Variants in SH3BGR observed in about 807,000 individuals in gnomAD.
SH3BGR encodes SH3 domain binding glutamate rich protein.
In SH3BGR, 29 loss-of-function variants were observed where a neutral mutation model predicts 24.5. The ratio of observed to expected loss-of-function variants is 1.18; its 90% CI spans 0.88 to 1.61. The LOEUF (loss-of-function observed/expected upper bound fraction) is 1.61, where lower values mean the gene tolerates loss of function less well. SH3BGR is among the 40% of genes most tolerant of loss of function. The probability of loss-of-function intolerance (pLI) is 0.00; values close to 1 mark genes in which losing one functional copy is unlikely to be tolerated. For missense variants in SH3BGR, 162 were observed against 205.8 expected (o/e 0.79, Z 1.30); for synonymous variants, 55 against 65.7 (o/e 0.84, Z 0.79).
At chr21:39,469,204 C>T (rs940290653) in intron 2 of SH3BGR, among the ~76,000 whole-genome samples, 1 of 151,240 alleles carries the variant, frequency 6.6e-6, no homozygotes, top group Non-Finnish European at 1.5e-5. Flanking sequence ...AGAGCCTCCC[C>T]CATTATCAAC....
intron 1 of SH3BGR, among the ~76,000 whole-genome samples, chr21:39,452,653 A>G (rs988727694): frequency 1.3e-5 from 2 of 152,204 alleles, no homozygotes; most frequent in African/African-American, 2.4e-5. Flanking sequence ...GAGGAAAGTG[A>G]TGTCACAGTG....
chr21:39,452,081 C>G lies in SH3BGR; in HGVS notation c.-16C>G. 1 of 1,614,168 alleles carries G rather than the reference C, an allele frequency of 6.2e-7. No individual in the cohort carries two copies. The highest frequency in any genetic ancestry group is 2.2e-5 in the East Asian group (1 of 44,882). ...ACAGGGGTGTGTTGGGGGGAGTCCT[C>G]TTTCCAACTGTCGAAATGGTTATCA... On this transcript the variant is annotated 5_prime_UTR_variant, in exon 1 of 7. Coordinates refer to ENST00000333634, the MANE Select transcript of SH3BGR (RefSeq NM_007341.3).
At chr21:39,452,679 T>C (rs2077592924) in intron 1 of SH3BGR, among the ~76,000 whole-genome samples, 1 of 152,168 alleles carries the variant, frequency 6.6e-6, no homozygotes, top group Admixed American at 6.5e-5. Context: ...AGCAGACATC[T>C]CTCAGGCCAC....
At chr21:39,483,085 A>T (rs1391287406) in intron 3 of SH3BGR, among the ~76,000 whole-genome samples, 2 of 152,218 alleles carry the variant, frequency 1.3e-5, no homozygotes, top group Non-Finnish European at 2.9e-5. Flanking sequence ...CTCTAAATGG[A>T]GAAGAACACA....
chr21:39,511,672 A>G lies in SH3BGR; in HGVS notation c.436-8A>G, dbSNP rs1249182610. On this transcript the variant is annotated splice_region_variant and splice_polypyrimidine_tract_variant and intron_variant, in intron 5 of 6. Transcript: ENST00000333634. This position sits in a 1 kb window ranked among gnomAD's most constrained non-coding sequence, Gnocchi z 4.2. ...TCTTAATACTAATGTAAGTTTTGTT[A>G]AAATAAGACGGAAGAAATAGCCATG... The G allele has an allele frequency of 6.2e-7, 1 of 1,608,902 alleles. No homozygotes were observed.
chr21:39,499,910 A>G lies in SH3BGR; in HGVS notation c.400A>G (p.Lys134Glu). ...GGGCAACCTCCCTGAAGCCCAGGAGAAGAATGTGAGTTTTCGCTTTTTCAC... is the reference window on the plus strand; with the variant it reads ...GGGCAACCTCCCTGAAGCCCAGGAGGAGAATGTGAGTTTTCGCTTTTTCAC... ...DVGNLPEAQE[K>E]NEEEGETATE... is the part of the protein sequence containing the mutation. Residue 134 changes from lysine to glutamate, a missense_variant, in exon 4 of 7, where the codon AAG becomes GAG. By Grantham distance (56) the Lys-to-Glu change is moderately conservative. Coordinates refer to ENST00000333634, the MANE Select transcript of SH3BGR (RefSeq NM_007341.3). The G allele has an allele frequency of 6.2e-7, 1 of 1,611,486 alleles. No homozygotes were observed. Among genetic ancestry groups the G allele is most frequent in the Non-Finnish European group, 8.5e-7 (1 of 1,177,776 alleles).
intron 3 of SH3BGR, among the ~76,000 whole-genome samples, chr21:39,490,203 CG>C (rs2078276773): frequency 1.3e-5 from 2 of 151,916 alleles, no homozygotes; most frequent in East Asian, 3.9e-4. Flanking sequence ...TTAACAAGGC[CG>C]GGAGGCAGAG....
At chr21:39,470,725 C>G (rs2077924996) in intron 2 of SH3BGR, among the ~76,000 whole-genome samples, 1 of 152,072 alleles carries the variant, frequency 6.6e-6, no homozygotes, top group African/African-American at 2.4e-5. Context: ...TAGATTTACC[C>G]ACATATTTAC....
Position 39,511,633 on chromosome 21 carries a change from T to A in SH3BGR, c.436-47T>A. Reference sequence around the variant, plus strand: ...TTACAGTCTTTTTCTCACTGTATCCTTGGCCCTTATGCTTCTTAATACTAA... The same window carrying A: ...TTACAGTCTTTTTCTCACTGTATCCATGGCCCTTATGCTTCTTAATACTAA... On this transcript the variant is annotated intron_variant, in intron 5 of 6. Coordinates refer to ENST00000333634, the MANE Select transcript of SH3BGR (RefSeq NM_007341.3). This position sits in a 1 kb window ranked among gnomAD's most constrained non-coding sequence, Gnocchi z 4.2. 1 of 1,592,682 alleles carries A rather than the reference T, an allele frequency of 6.3e-7. No homozygotes were observed.
chr21:39,459,735 T>C (rs1007874945), intron 1 of SH3BGR, among the ~76,000 whole-genome samples: 2 of 151,908 alleles, frequency 1.3e-5, no homozygotes, highest in African/African-American at 2.4e-5. Context: ...ACAAAAACTT[T>C]TTGTAGAGGC....
intron 2 of SH3BGR, among the ~76,000 whole-genome samples, chr21:39,471,549 CAAT>C (rs777309072): frequency 6.6e-5 from 10 of 152,298 alleles, no homozygotes; most frequent in Non-Finnish European, 1.3e-4. Context: ...TGTTTTCATA[CAAT>C]AATATTTCCT....
chr21:39,485,364 A>G (rs991871223), intron 3 of SH3BGR, among the ~76,000 whole-genome samples: 1 of 152,220 alleles, frequency 6.6e-6, no homozygotes, highest in East Asian at 1.9e-4. Flanking sequence ...TCGGGCAGGG[A>G]GAATAAGAGG....
At chr21:39,484,004 A>G (rs2078170489) in intron 3 of SH3BGR, among the ~76,000 whole-genome samples, 1 of 152,224 alleles carries the variant, frequency 6.6e-6, no homozygotes, top group Non-Finnish European at 1.5e-5. Context: ...CAGTGAAGTC[A>G]TACTTTGGAT....
intron 1 of SH3BGR, among the ~76,000 whole-genome samples, chr21:39,453,411 T>A (rs1256706551): frequency 6.6e-6 from 1 of 152,102 alleles, no homozygotes; most frequent in Non-Finnish European, 1.5e-5. Flanking sequence ...ATAAAAAAAT[T>A]TTTTTGGGGG....
chr21:39,503,382 T>C (rs926684866), intron 4 of SH3BGR, among the ~76,000 whole-genome samples: 1 of 152,194 alleles, frequency 6.6e-6, no homozygotes, highest in African/African-American at 2.4e-5. Flanking sequence ...TTCTGTTAAC[T>C]AGATGACAAA....
chr21:39,466,828 C>A (rs1390159437), intron 2 of SH3BGR, among the ~76,000 whole-genome samples: 1 of 152,140 alleles, frequency 6.6e-6, no homozygotes, highest in African/African-American at 2.4e-5. Context: ...GGGACACAGC[C>A]AAACCATATC....
At chr21:39,485,608 C>G (rs1168140480) in intron 3 of SH3BGR, among the ~76,000 whole-genome samples, 1 of 151,848 alleles carries the variant, frequency 6.6e-6, no homozygotes, top group Non-Finnish European at 1.5e-5. Flanking sequence ...GGTTAGTCGT[C>G]TAATGAACCC....
intron 1 of SH3BGR, among the ~76,000 whole-genome samples, chr21:39,460,704 G>A (rs1162794956): frequency 1.3e-5 from 2 of 152,006 alleles, no homozygotes; most frequent in African/African-American, 2.4e-5. Flanking sequence ...TCCTGACCTC[G>A]TGATCCACCC....
intron 2 of SH3BGR, among the ~76,000 whole-genome samples, chr21:39,468,762 T>C (rs1382114454): frequency 2.0e-5 from 3 of 152,202 alleles, no homozygotes; most frequent in Non-Finnish European, 1.5e-5. Flanking sequence ...TAAAAACCTT[T>C]GTCTTCTTTT....
Sources: allele counts gnomAD v4.1 joint callset (sites outside exome capture counted in the v4.1 genomes callset), GRCh38; gene constraint gnomAD v4.1.1; non-coding constraint Gnocchi (gnomAD v3.1); transcripts MANE v1.5; gene names NCBI Gene and HGNC (gene_info 2026-07-23, HGNC 2026-07-21).